Variants in IGF2R observed in about 807,000 individuals in gnomAD.
IGF2R encodes the protein insulin like growth factor 2 receptor.
A neutral mutation model predicts 270.6 loss-of-function variants in IGF2R; 91 were observed. The ratio of observed to expected loss-of-function variants is 0.34; its 90% CI spans 0.28 to 0.40. The LOEUF is 0.40. IGF2R is among the 10% of genes least tolerant of loss of function. The pLI, the probability that IGF2R is intolerant of heterozygous loss-of-function variation, is 1.00. For missense variants in IGF2R, 2,805 were observed against 3,188.3 expected, an observed-to-expected ratio of 0.88 and a Z score of 2.90; for synonymous variants, 1,316 against 1,258.9, an observed-to-expected ratio of 1.05 and a Z score of -0.96.
intron 2 of IGF2R, among the ~76,000 whole-genome samples, chr6:159,999,881 C>A (rs1341091311): frequency 6.6e-6 from 1 of 152,146 alleles, no homozygotes; most frequent in African/African-American, 2.4e-5. Context: ...CTAGAAGAGC[C>A]TTCCTTAAGG....
intron 45 of IGF2R, 141 bp downstream of exon 45, chr6:160,096,766 C>G: frequency 1.4e-6 from 1 of 723,928 alleles, no homozygotes; most frequent in Non-Finnish European, 2.2e-6. Flanking sequence ...TAGAAGCGGA[C>G]CCCACATAGT....
chr6:160,048,839 C>T (rs542719333), intron 18 of IGF2R, among the ~76,000 whole-genome samples: 1 of 152,342 alleles, frequency 6.6e-6, no homozygotes, highest in East Asian at 1.9e-4. Flanking sequence ...TCTTTAGGTG[C>T]TTTCAGCAGA....
At chr6:160,074,314 T>C (rs1406209197) in intron 35 of IGF2R, among the ~76,000 whole-genome samples, 1 of 152,216 alleles carries the variant, frequency 6.6e-6, no homozygotes, top group African/African-American at 2.4e-5. Context: ...TTTCTTTGTG[T>C]GAAATGCCTT....
In IGF2R at chr6:160,088,110, A is replaced by G. The variant is rs916026850; in HGVS notation, c.6283A>G (p.Thr2095Ala). The G allele has an allele frequency of 3.7e-6, 6 of 1,613,728 alleles. No individual in the cohort carries two copies. Among genetic ancestry groups the G allele is most frequent in the Non-Finnish European group, 5.1e-6 (6 of 1,179,632 alleles). ...NKTASSVIELTCTKTVGRPAF... is the reference protein window; with the variant it reads ...NKTASSVIELACTKTVGRPAF... ...GACCGCATCCTCCGTGATAGAATTG[A>G]CCTGTACAAAGACGGTGGGCAGACC... The change falls in exon 42 of 48, where the codon ACC (threonine) becomes GCC (alanine). Residue 2095 changes from threonine to alanine, a missense_variant. Transcript: ENST00000356956.
chr6:160,091,471 G>C (rs1779224954), intron 44 of IGF2R, among the ~76,000 whole-genome samples: 2 of 152,180 alleles, frequency 1.3e-5, no homozygotes, highest in South Asian at 4.1e-4. Flanking sequence ...CAGCATCGCT[G>C]CTCCTGGTCA....
intron 39 of IGF2R, among the ~76,000 whole-genome samples, chr6:160,081,714 T>C (rs1368449542): frequency 1.3e-5 from 2 of 152,208 alleles, no homozygotes; most frequent in Non-Finnish European, 2.9e-5. Context: ...TGCATTCTTT[T>C]CCCAGGGCTG....
chr6:159,982,400 G>T (rs1215358665), intron 1 of IGF2R, among the ~76,000 whole-genome samples: 1 of 152,186 alleles, frequency 6.6e-6, no homozygotes, highest in Non-Finnish European at 1.5e-5. Context: ...GAAAGTAGGA[G>T]AATCTTTTTT....
chr6:160,013,914 G>T (rs1246525007), intron 4 of IGF2R, among the ~76,000 whole-genome samples: 1 of 152,058 alleles, frequency 6.6e-6, no homozygotes, highest in Admixed American at 6.6e-5. Flanking sequence ...CATATTGAAG[G>T]TTTATGTACT....
intron 30 of IGF2R, among the ~76,000 whole-genome samples, chr6:160,068,648 G>T (rs1283236913): frequency 6.6e-6 from 1 of 151,756 alleles, no homozygotes; most frequent in African/African-American, 2.4e-5. Flanking sequence ...CTCCTCATGG[G>T]GTGGTGGTTG....
intron 12 of IGF2R, 142 bp downstream of exon 12, chr6:160,043,430 A>G: frequency 1.0e-6 from 1 of 975,552 alleles, no homozygotes; most frequent in Non-Finnish European, 1.5e-6. Flanking sequence ...TTTCATTCAT[A>G]ACTCAAATGT....
chr6:160,059,596 T>A (rs971670646), intron 22 of IGF2R, among the ~76,000 whole-genome samples: 1 of 152,220 alleles, frequency 6.6e-6, no homozygotes, highest in Non-Finnish European at 1.5e-5. Flanking sequence ...GAGTGATGTT[T>A]CTGAAACATC....
intron 10 of IGF2R, among the ~76,000 whole-genome samples, chr6:160,036,739 GA>G (rs1777835461): frequency 1.3e-5 from 2 of 151,134 alleles, no homozygotes; most frequent in Non-Finnish European, 3.0e-5. Flanking sequence ...ACACAGGAGA[GA>G]AAAACCAAAG....
At position 160,016,990 on chromosome 6, in the gene IGF2R, T is replaced by C. The variant is rs185779335; in HGVS notation, c.513+6205T>C. ...GGTGTTATAGCACCCTGAAGGATCA[T>C]ATTAATCTTCCAGAAACAGATCCTA... On this transcript the variant is annotated intron_variant, in intron 4 of 47. Transcript: ENST00000356956. Among the ~76,000 whole-genome samples, 196 of 152,334 alleles carry C rather than the reference T, an allele frequency of 1.3e-3. 1 individual carries two copies. The highest frequency in any genetic ancestry group is 6.8e-3 in the Middle Eastern group (2 of 294).
At chr6:159,976,145 A>G (rs1441399260) in intron 1 of IGF2R, among the ~76,000 whole-genome samples, 2 of 152,166 alleles carry the variant, frequency 1.3e-5, no homozygotes, top group African/African-American at 4.8e-5. Flanking sequence ...GTGGAATATC[A>G]TCGGGGAGGA....
chr6:160,085,192 G>A (rs893803184), intron 41 of IGF2R, 61 bp downstream of exon 41: 2 of 1,556,894 alleles, frequency 1.3e-6, no homozygotes, highest in African/African-American at 1.4e-5. Context: ...GGAAGGTGAG[G>A]GTGTTCTCAG....
intron 1 of IGF2R, among the ~76,000 whole-genome samples, chr6:159,978,971 A>T (rs781386725): frequency 6.6e-6 from 1 of 151,962 alleles, no homozygotes; most frequent in Non-Finnish European, 1.5e-5. Context: ...GTAGGAAGTG[A>T]GGGGGATGGT....
intron 22 of IGF2R, 91 bp from the exon 23 acceptor site, chr6:160,060,456 T>G: frequency 7.8e-7 from 1 of 1,276,792 alleles, no homozygotes; most frequent in Non-Finnish European, 1.1e-6. Context: ...TTGTTGCCAG[T>G]GGCAGCCTTG....
At chr6:160,010,330 T>C in intron 3 of IGF2R, 1 of 174,780 alleles carries the variant, frequency 5.7e-6, no homozygotes, top group Non-Finnish European at 1.2e-5. Context: ...AAGCATGAGG[T>C]CACGTTTTCT....
intron 13 of IGF2R, among the ~76,000 whole-genome samples, chr6:160,045,133 C>G (rs1232042719): frequency 2.0e-5 from 3 of 152,040 alleles, no homozygotes; most frequent in Admixed American, 1.3e-4. Flanking sequence ...TTTGTAAATA[C>G]TTTTCTATGT....
Sources: gnomAD v4.1 joint callset for allele counts (sites outside exome capture counted in the v4.1 genomes callset) on GRCh38, gnomAD v4.1.1 for gene constraint, MANE v1.5 for transcripts, NCBI Gene and HGNC (gene_info 2026-07-23, HGNC 2026-07-21) for gene names.